The following SMG1 variants were observed in gnomAD, a reference collection of about 807,000 sequenced individuals.
SMG1 encodes serine/threonine-protein kinase SMG1.
SMG1 carries 22 observed loss-of-function variants against 419.9 expected under a neutral mutation model. The observed-to-expected ratio is 0.05, with a 90% confidence interval of 0.04 to 0.07. SMG1 has a LOEUF of 0.07. SMG1 is among the 10% of genes least tolerant of loss of function. The pLI, the probability that SMG1 is intolerant of heterozygous loss-of-function variation, is 1.00. For missense variants in SMG1, 3,185 were observed against 4,342.0 expected (o/e 0.73, Z 7.49); for synonymous variants, 1,538 against 1,553.5 (o/e 0.99, Z 0.23).
At chr16:18,850,771 T>A (rs1305048187) in intron 33 of SMG1, among the ~76,000 whole-genome samples, 1 of 152,182 alleles carries the variant, frequency 6.6e-6, no homozygotes, top group African/African-American at 2.4e-5. Flanking sequence ...TTTTTCCTTG[T>A]GACAAAGTCT....
intron 23 of SMG1, among the ~76,000 whole-genome samples, chr16:18,864,734 C>T (rs1255764635): frequency 2.0e-5 from 3 of 152,150 alleles, no homozygotes; most frequent in African/African-American, 7.2e-5. Context: ...ACCTCAGTCT[C>T]CCCAAGTACT....
At chr16:18,919,662 ACACACACACACACAC>A (rs2142016714) in intron 1 of SMG1, among the ~76,000 whole-genome samples, 1 of 15,818 alleles carries the variant, frequency 6.3e-5, no homozygotes, top group South Asian at 2.5e-3. Flanking sequence ...ATATATACAC[ACACACACACACACAC>A]ACACACACAC....
At chr16:18,871,618 A>T (rs2035827184) in intron 15 of SMG1, 136 bp from the exon 16 acceptor site, 1 of 461,958 alleles carries the variant, frequency 2.2e-6, no homozygotes, top group South Asian at 5.3e-5. Flanking sequence ...AAATAAAAAA[A>T]TGAAACTATA....
intron 25 of SMG1, among the ~76,000 whole-genome samples, chr16:18,862,831 G>A (rs550061771): frequency 6.6e-6 from 1 of 152,160 alleles, no homozygotes; most frequent in African/African-American, 2.4e-5. Context: ...CCTAAACACA[G>A]AGGCCTCCCA....
chr16:18,811,298 T>C (rs530321619), intron 62 of SMG1, among the ~76,000 whole-genome samples: 1 of 152,328 alleles, frequency 6.6e-6, no homozygotes, highest in African/African-American at 2.4e-5. Context: ...AGGTTCTGAC[T>C]AGATTTTCAC....
chr16:18,866,188 G>A (rs902459376), intron 23 of SMG1: 9 of 179,898 alleles, frequency 5.0e-5, no homozygotes, highest in African/African-American at 1.4e-4. Flanking sequence ...AAATTCGCAA[G>A]ATTTCATTAA....
intron 41 of SMG1, among the ~76,000 whole-genome samples, chr16:18,841,084 G>T (rs1389984963): frequency 6.6e-6 from 1 of 151,764 alleles, no homozygotes; most frequent in Non-Finnish European, 1.5e-5. Context: ...CCAAAAAAAA[G>T]CAAACAACTT....
intron 4 of SMG1, among the ~76,000 whole-genome samples, chr16:18,891,704 G>A (rs2036889622): frequency 6.6e-6 from 1 of 152,146 alleles, no homozygotes. Flanking sequence ...AAAATGCTGG[G>A]ATTACAGGCA....
rs910260804 is a variant in SMG1 at position 18,829,624 on chromosome 16, A to G, written c.9265T>C (p.Phe3089Leu). The G allele has an allele frequency of 5.6e-6, 9 of 1,614,026 alleles. No homozygotes were observed. Among genetic ancestry groups the G allele is most frequent in the Non-Finnish European group, 7.6e-6 (9 of 1,179,890 alleles). ...AGCCCTATCAAGAGCTGCCTCACAA[A>G]GTCAGCTGTGAATGCCTTGATAGGT... ...AKPIKAFTADFVRQLLIGLPN... is the reference protein window; with the variant it reads ...AKPIKAFTADLVRQLLIGLPN... Residue 3089 changes from phenylalanine to leucine, a missense_variant, in exon 54 of 63, where the codon TTT becomes CTT. Physicochemically the swap from Phe to Leu is conservative, Grantham distance 22. Around this residue, in one of 27 missense-constraint regions of SMG1, gnomAD observed 737 missense variants for 846.6 expected, o/e 0.87. Transcript: ENST00000446231.
chr16:18,835,282 C>T, intron 48 of SMG1, 118 bp from the exon 49 acceptor site: 1 of 1,101,838 alleles, frequency 9.1e-7, no homozygotes, highest in South Asian at 1.7e-5. Context: ...TTACATTTTA[C>T]AGATAAAAAT....
Position 18,926,269 on chromosome 16 carries a change from G to A in SMG1, c.-228C>T. 1.9e-6 allele frequency: 1 copy of A among 530,604 alleles called. No homozygotes were observed. The highest frequency in any genetic ancestry group is 3.3e-6 in the Non-Finnish European group (1 of 303,778). The allele number at this position is 530,604 out of a possible 1,614,324, so 32.9% of individuals were successfully genotyped here. On this transcript the variant is annotated 5_prime_UTR_variant, in exon 1 of 63. Transcript: ENST00000446231. The stretch of plus-strand genomic sequence containing the variant: ...CAGCGCAGGACGAGGAGGCGGGAGC[G>A]GCGCGGTGAGAGAGAGGCGGATGAA...
intron 33 of SMG1, 36 bp from the exon 34 acceptor site, chr16:18,850,503 T>C (rs1402429451): frequency 6.9e-7 from 1 of 1,451,052 alleles, no homozygotes; most frequent in Non-Finnish European, 9.6e-7. Flanking sequence ...CTATTTTAAA[T>C]ACAAACTGAA....
At chr16:18,892,393 A>G in intron 3 of SMG1, 39 bp from the exon 4 acceptor site, 2 of 1,462,904 alleles carry the variant, frequency 1.4e-6, no homozygotes, top group Non-Finnish European at 1.8e-6. Flanking sequence ...ATTGAGTATA[A>G]ATAAGCAAAG....
intron 28 of SMG1, chr16:18,858,740 G>C (rs1432937720): frequency 1.1e-5 from 3 of 267,192 alleles, no homozygotes; most frequent in Admixed American, 5.0e-5. Context: ...TAAAATTTAC[G>C]TAATCCGCCT....
chr16:18,832,722 T>A (rs540099356), intron 51 of SMG1, among the ~76,000 whole-genome samples: 2 of 152,166 alleles, frequency 1.3e-5, no homozygotes, highest in East Asian at 3.8e-4. Flanking sequence ...GGATGAAGCA[T>A]GCACAATACC....
chr16:18,835,259 T>C (rs2033483566), intron 48 of SMG1, 95 bp from the exon 49 acceptor site: 2 of 1,246,096 alleles, frequency 1.6e-6, no homozygotes, highest in Non-Finnish European at 2.2e-6. Context: ...ACTTGAAGAG[T>C]AGAAATCATT....
chr16:18,925,585 G>A (rs2038361600), intron 1 of SMG1: 1 of 232,238 alleles, frequency 4.3e-6, no homozygotes, highest in Admixed American at 5.9e-5. Context: ...ATGAGTAACA[G>A]GGAGGGTCCT....
Position 18,871,419 on chromosome 16 carries a change from T to C in SMG1, c.2247A>G (p.Ala749=). 1 of 1,601,978 alleles carries C rather than the reference T, an allele frequency of 6.2e-7. No homozygotes were observed. Residue 749 remains alanine, a synonymous_variant, in exon 16 of 63, where the codon GCA becomes GCG. Transcript: ENST00000446231. ...AVLMKKSETY[A]PLFSLPSFHK... is the part of the protein sequence containing the mutation. ...GGAAAGACGGAAGAGAGAATAAAGGTGCGTATGTTTCAGACTTCTTCATTA... is the reference window on the plus strand; with the variant it reads ...GGAAAGACGGAAGAGAGAATAAAGGCGCGTATGTTTCAGACTTCTTCATTA...
chr16:18,909,883 T>C (rs2037723158), intron 1 of SMG1, among the ~76,000 whole-genome samples: 2 of 152,162 alleles, frequency 1.3e-5, no homozygotes, highest in Admixed American at 1.3e-4. Flanking sequence ...TAAGCCACTT[T>C]AAACCCACAG....
Sources: gnomAD v4.1 joint callset for allele counts (sites outside exome capture counted in the v4.1 genomes callset) on GRCh38, gnomAD v4.1.1 for gene constraint, gnomAD v4.1.1 regional missense constraint, MANE v1.5 for transcripts, NCBI Gene and HGNC (gene_info 2026-07-23, HGNC 2026-07-21) for gene names.